TTL: variants seen among roughly 807,000 people sequenced by gnomAD.
The protein encoded by TTL is tubulin--tyrosine ligase.
TTL carries 10 observed loss-of-function variants against 41.1 expected under a neutral mutation model. That is an observed-to-expected ratio of 0.24 (90% CI 0.15 to 0.41). The LOEUF (loss-of-function observed/expected upper bound fraction) is 0.41. Among genes scored for constraint, TTL ranks in the 10% least tolerant of loss-of-function variants. TTL has a pLI of 1.00. For synonymous variants in TTL, 175 were observed against 175.5 expected (o/e 1.00, Z 0.02); for missense variants, 367 against 460.4 (o/e 0.80, Z 1.86).
chr2:112,501,553 A>T (rs1681697770), intron 4 of TTL, among the ~76,000 whole-genome samples: 1 of 151,798 alleles, frequency 6.6e-6, no homozygotes, highest in Non-Finnish European at 1.5e-5. Flanking sequence ...TACTACGATT[A>T]TGGATTTTCT....
intron 5 of TTL, among the ~76,000 whole-genome samples, chr2:112,519,928 C>G (rs62157537): frequency 6.6e-6 from 1 of 151,736 alleles, no homozygotes; most frequent in Non-Finnish European, 1.5e-5. Flanking sequence ...GTCGGGAGTT[C>G]GAGACCAGCC....
rs761941201 is a variant in TTL, at chr2:112,482,667, T to C, written c.157+166T>C. Among the ~76,000 whole-genome samples, 85 of 152,244 alleles carry C rather than the reference T, an allele frequency of 5.6e-4. 1 individual carries two copies. The highest frequency in any genetic ancestry group is 5.4e-4 in the Non-Finnish European group (37 of 68,028). The stretch of plus-strand genomic sequence containing the variant: ...CGGAAAGATCGAAACCTGTCGTTTT[T>C]AATGCTTTCTTGTCTCCTAACTTGG... On this transcript the variant is annotated intron_variant, in intron 1 of 6. Transcript: ENST00000233336. The surrounding 1 kb of genome is among the most constrained non-coding windows in gnomAD (Gnocchi z 5.3).
chr2:112,487,022 G>A (rs1412188667), intron 2 of TTL, among the ~76,000 whole-genome samples: 1 of 152,116 alleles, frequency 6.6e-6, no homozygotes, highest in African/African-American at 2.4e-5. Flanking sequence ...TGCTATTACT[G>A]TTGTTTCAGT....
chr2:112,538,978 G>C lies in TTL; in HGVS notation c.*10183G>C, dbSNP rs546976582. On this transcript the variant is annotated 3_prime_UTR_variant, in exon 7 of 7. Coordinates refer to ENST00000233336, the MANE Select transcript of TTL (RefSeq NM_153712.5). ...TAAAAATACAAAAAATTAGCCGGGC[G>C]TGGTAGCAGGCGCCTGTAATCCCAG... 1 of 151,718 alleles carries C rather than the reference G, an allele frequency of 6.6e-6. No individual in the cohort carries two copies. Among genetic ancestry groups the C allele is most frequent in the Admixed American group, 6.6e-5 (1 of 15,218 alleles). The allele number at this position is 151,718 out of a possible 1,614,324, so 9.4% of individuals were successfully genotyped here. A position where few individuals can be genotyped will look rare whatever the true frequency, so the allele number is the denominator to read the frequency against.
At chr2:112,498,854 C>A (rs1312092184) in intron 3 of TTL, among the ~76,000 whole-genome samples, 1 of 151,838 alleles carries the variant, frequency 6.6e-6, no homozygotes, top group Non-Finnish European at 1.5e-5. Context: ...GACCAAGACT[C>A]CATCTCAATC....
chr2:112,520,371 A>T lies in TTL; in HGVS notation c.965A>T (p.Asp322Val). The stretch of plus-strand genomic sequence containing the variant: ...CTCTTCGGCTTTGACTTCATGGTCG[A>T]TGAGGAGCTGAAGGTGTGGCTCATT... ...FQLFGFDFMVDEELKVWLIEV... is the reference protein window; with the variant it reads ...FQLFGFDFMVVEELKVWLIEV... The change falls in exon 6 of 7, where the codon GAT (aspartate) becomes GTT (valine). Residue 322 changes from aspartate to valine, a missense_variant. By Grantham distance (152) the Asp-to-Val change is radical (BLOSUM62 -3). Transcript: ENST00000233336. The T allele has an allele frequency of 6.2e-7, 1 of 1,614,146 alleles. No homozygotes were observed. The highest frequency in any genetic ancestry group is 8.5e-7 in the Non-Finnish European group (1 of 1,180,030).
chr2:112,509,630 C>G (rs984972712), intron 5 of TTL, among the ~76,000 whole-genome samples: 6 of 152,178 alleles, frequency 3.9e-5, no homozygotes, highest in African/African-American at 1.4e-4. Flanking sequence ...CTCCCTGACC[C>G]CTTGCGCTTC....
chr2:112,482,455 C>G lies in TTL; in HGVS notation c.111C>G (p.Phe37Leu). ...GGCTGCGGCGAGACAACCCCAGATT[C>G]AACCTGATGCTGGGAGAGAGGAATC... Reference protein sequence around the residue: ...WKRLRRDNPRFNLMLGERNRL... With the variant: ...WKRLRRDNPRLNLMLGERNRL... Residue 37 changes from phenylalanine to leucine, a missense_variant, in exon 1 of 7, where the codon TTC becomes TTG. Coordinates refer to ENST00000233336, the MANE Select transcript of TTL (RefSeq NM_153712.5). This position sits in a 1 kb window ranked among gnomAD's most constrained non-coding sequence, Gnocchi z 5.3. 1 of 1,611,584 alleles carries G rather than the reference C, an allele frequency of 6.2e-7. No individual in the cohort carries two copies. Among genetic ancestry groups the G allele is most frequent in the South Asian group, 1.1e-5 (1 of 90,726 alleles).
chr2:112,518,822 CTGCCACTA>C (rs1465748649), intron 5 of TTL, among the ~76,000 whole-genome samples: 1 of 152,002 alleles, frequency 6.6e-6, no homozygotes, highest in Non-Finnish European at 1.5e-5. Flanking sequence ...TTATAGGCAC[CTGCCACTA>C]TGCCTGGCTA....
intron 5 of TTL, among the ~76,000 whole-genome samples, chr2:112,510,556 C>G (rs1291538398): frequency 6.6e-6 from 1 of 152,090 alleles, no homozygotes; most frequent in East Asian, 1.9e-4. Flanking sequence ...ACTGCAACCT[C>G]CATCTCCTGG....
intron 5 of TTL, among the ~76,000 whole-genome samples, chr2:112,509,535 C>T (rs149223098): frequency 5.9e-5 from 9 of 152,308 alleles, no homozygotes; most frequent in South Asian, 4.1e-4. Flanking sequence ...TTTCTTAAGC[C>T]GGTCTGAAAA....
In TTL at chr2:112,520,275, C is replaced by T. The variant is rs1682185144; in HGVS notation, c.876-7C>T. On this transcript the variant is annotated splice_region_variant and splice_polypyrimidine_tract_variant and intron_variant, in intron 5 of 6. Coordinates refer to ENST00000233336, the MANE Select transcript of TTL (RefSeq NM_153712.5). ...TTCTAATGAGCATTTCCCCTCCTGC[C>T]TCATAGGAACTGCCTCCTGAGCGTG... The T allele has an allele frequency of 6.2e-7, 1 of 1,613,650 alleles. No individual in the cohort carries two copies. Among genetic ancestry groups the T allele is most frequent in the Non-Finnish European group, 8.5e-7 (1 of 1,179,708 alleles).
rs1194198793 is a variant in TTL at position 112,530,334 on chromosome 2, G to A, written c.*1539G>A. On this transcript the variant is annotated 3_prime_UTR_variant, in exon 7 of 7. Transcript: ENST00000233336. ...TAGGATGTGAGGGTGTTACCTTGGG[G>A]TGAAGTGGAGAAGGTCCCAGGTGAA... The A allele has an allele frequency of 1.3e-5, 3 of 231,868 alleles. No individual in the cohort carries two copies. In the Admixed American group the frequency reaches 1.7e-4, roughly 13 times the overall value. 14.4% of individuals were successfully genotyped at this position (231,868 alleles called of 1,614,324 possible). A position where few individuals can be genotyped will look rare whatever the true frequency, so the allele number is the denominator to read the frequency against.
chr2:112,511,726 G>A (rs1362748296), intron 5 of TTL, among the ~76,000 whole-genome samples: 1 of 150,358 alleles, frequency 6.7e-6, no homozygotes, highest in Non-Finnish European at 1.5e-5. Flanking sequence ...TATCATGCCC[G>A]GCTAATTTTT....
rs1439074493 is a variant in TTL at position 112,532,300 on chromosome 2, G to A, written c.*3505G>A. ...AAATTCAGTGACGTACATGGCTCTG[G>A]TTCTGGACACAAAATCTGTACTGGA... On this transcript the variant is annotated 3_prime_UTR_variant, in exon 7 of 7. Transcript: ENST00000233336. 1 of 228,130 alleles carries A rather than the reference G, an allele frequency of 4.4e-6. No individual in the cohort carries two copies. Among genetic ancestry groups the A allele is most frequent in the Non-Finnish European group, 8.7e-6 (1 of 114,940 alleles). 14.1% of individuals were successfully genotyped at this position (228,130 alleles called of 1,614,324 possible).
At chr2:112,520,595 T>C (rs1682197721) in intron 6 of TTL, 170 bp downstream of exon 6, 2 of 865,880 alleles carry the variant, frequency 2.3e-6, no homozygotes, top group Admixed American at 2.8e-5. Flanking sequence ...GTCACTTCCT[T>C]TCCTATTTCC....
chr2:112,503,363 G>A (rs1038618904), intron 5 of TTL, among the ~76,000 whole-genome samples, 182 bp downstream of exon 5: 2 of 148,864 alleles, frequency 1.3e-5, no homozygotes, highest in Non-Finnish European at 3.0e-5. Flanking sequence ...TTTCGTTTCT[G>A]ATAATGGTTA....
intron 2 of TTL, among the ~76,000 whole-genome samples, chr2:112,492,821 G>T (rs752786103): frequency 6.6e-6 from 1 of 152,120 alleles, no homozygotes; most frequent in East Asian, 1.9e-4. Context: ...AACCCGGGAG[G>T]TAGAGGTTGC....
chr2:112,520,460 G>C, intron 6 of TTL, 35 bp downstream of exon 6: 1 of 1,607,576 alleles, frequency 6.2e-7, no homozygotes, highest in South Asian at 1.1e-5. Context: ...TTACAAGTGG[G>C]AAGTTGGTTC....
Sources: gnomAD v4.1 joint callset for allele counts (sites outside exome capture counted in the v4.1 genomes callset) on GRCh38, gnomAD v4.1.1 for gene constraint, Gnocchi (gnomAD v3.1) non-coding constraint, MANE v1.5 for transcripts, NCBI Gene and HGNC (gene_info 2026-07-23, HGNC 2026-07-21) for gene names.